DCLK2: variants seen among roughly 807,000 people sequenced by gnomAD.
DCLK2 encodes the protein serine/threonine-protein kinase DCLK2.
Under a neutral mutation model 78.4 loss-of-function variants are expected in DCLK2, and 31 were observed. The ratio of observed to expected loss-of-function variants is 0.40; its 90% CI spans 0.30 to 0.53. DCLK2 has a LOEUF of 0.53. DCLK2 is among the 20% of genes least tolerant of loss of function. DCLK2 has a pLI of 0.61. For synonymous variants in DCLK2, 407 were observed against 374.9 expected (o/e 1.09, Z -0.99); for missense variants, 872 against 973.7 (o/e 0.90, Z 1.39).
chr4:150,202,939 A>G (rs1338789100), intron 4 of DCLK2, among the ~76,000 whole-genome samples: 3 of 152,190 alleles, frequency 2.0e-5, no homozygotes, highest in African/African-American at 7.2e-5. Context: ...AGAATCTGCA[A>G]ACCTTTCCTA....
At chr4:150,218,451 C>G (rs1035392048) in intron 5 of DCLK2, among the ~76,000 whole-genome samples, 5 of 152,196 alleles carry the variant, frequency 3.3e-5, no homozygotes, top group Non-Finnish European at 5.9e-5. Flanking sequence ...GTGTCCTTCA[C>G]TCAGACAACA....
chr4:150,161,127 G>T (rs1735676639), intron 2 of DCLK2, among the ~76,000 whole-genome samples: 1 of 152,184 alleles, frequency 6.6e-6, no homozygotes, highest in South Asian at 2.1e-4. Context: ...TGTGAACAGG[G>T]ACTGAAAGTT....
rs185608683 is a variant in DCLK2 at position 150,080,542 on chromosome 4, C to A, written c.421+1094C>A. ...TCTTTCTTAATGCAAATGGCACATT[C>A]CATGTAGTCATAGCAATAGCTTGGC... On this transcript the variant is annotated intron_variant, in intron 1 of 15. Coordinates refer to ENST00000296550, the MANE Select transcript of DCLK2 (RefSeq NM_001040260.4). Among the ~76,000 whole-genome samples, 6 of 152,332 alleles carry A rather than the reference C, an allele frequency of 3.9e-5. No individual in the cohort carries two copies. The South Asian group carries it at 8.3e-4, about 21-fold the overall frequency.
At chr4:150,107,567 G>A (rs1019240434) in intron 2 of DCLK2, among the ~76,000 whole-genome samples, 2 of 151,648 alleles carry the variant, frequency 1.3e-5, no homozygotes, top group African/African-American at 4.9e-5. Context: ...GTAGAAATTG[G>A]GTTTCCCTGT....
chr4:150,218,938 G>A (rs551600689), intron 5 of DCLK2, among the ~76,000 whole-genome samples: 1 of 152,284 alleles, frequency 6.6e-6, no homozygotes, highest in Non-Finnish European at 1.5e-5. Context: ...AAATGGTGGT[G>A]CACGCCTGTA....
chr4:150,168,038 G>A (rs1736225462), intron 2 of DCLK2, among the ~76,000 whole-genome samples: 1 of 152,178 alleles, frequency 6.6e-6, no homozygotes. Context: ...CCAGAAGCAT[G>A]CCAACGTGTA....
intron 2 of DCLK2, among the ~76,000 whole-genome samples, chr4:150,177,464 TC>T (rs1432402827): frequency 2.0e-5 from 3 of 152,150 alleles, no homozygotes; most frequent in Non-Finnish European, 4.4e-5. Flanking sequence ...AAACATCTTT[TC>T]CTCCATCGAA....
chr4:150,236,951 A>G (rs992096128), intron 10 of DCLK2, among the ~76,000 whole-genome samples: 28 of 152,212 alleles, frequency 1.8e-4, no homozygotes, highest in Non-Finnish European at 3.1e-4. Context: ...TGTGAAAAAC[A>G]GGACTTCAGG....
chr4:150,124,447 T>TA (rs1157818161), intron 2 of DCLK2, among the ~76,000 whole-genome samples: 1 of 152,196 alleles, frequency 6.6e-6, no homozygotes, highest in African/African-American at 2.4e-5. Flanking sequence ...TCTAAGTCAT[T>TA]AAAATGCCAT....
rs556763896 is a variant in DCLK2 at position 150,128,955 on chromosome 4, T to C, written c.756+26143T>C. On this transcript the variant is annotated intron_variant, in intron 2 of 15. Transcript: ENST00000296550. ...TGAGAAGTTTGTGGCAGAACAGATA[T>C]CAGGACTATTACTCAGAAGTAATGC... is the stretch of plus-strand genomic sequence containing the variant. 2.1e-3 allele frequency among the ~76,000 whole-genome samples: 320 copies of C among 152,286 alleles called. 4 individuals are homozygous for C. The highest frequency in any genetic ancestry group is 7.3e-3 in the African/African-American group (302 of 41,544).
intron 1 of DCLK2, among the ~76,000 whole-genome samples, chr4:150,094,377 AAG>A (rs1730313826): frequency 6.6e-6 from 1 of 152,356 alleles, no homozygotes; most frequent in East Asian, 1.9e-4. Flanking sequence ...CTGTTTAAAA[AAG>A]AGTATGTAAA....
At chr4:150,131,153 G>T (rs1580560930) in intron 2 of DCLK2, among the ~76,000 whole-genome samples, 1 of 152,054 alleles carries the variant, frequency 6.6e-6, no homozygotes, top group East Asian at 1.9e-4. Context: ...CTCCCAAGTA[G>T]CTCGGATTAC....
intron 5 of DCLK2, among the ~76,000 whole-genome samples, chr4:150,217,281 C>T (rs941537214): frequency 3.3e-5 from 5 of 152,202 alleles, no homozygotes; most frequent in Non-Finnish European, 7.3e-5. Context: ...GCATGTCTCT[C>T]AGGGCACTGG....
At chr4:150,173,652 T>C (rs1026863917) in intron 2 of DCLK2, among the ~76,000 whole-genome samples, 1 of 152,220 alleles carries the variant, frequency 6.6e-6, no homozygotes, top group African/African-American at 2.4e-5. Context: ...GAGCTTGACC[T>C]ATTTCCTTAG....
chr4:150,212,665 T>C (rs942016512), intron 5 of DCLK2, among the ~76,000 whole-genome samples: 1 of 152,226 alleles, frequency 6.6e-6, no homozygotes, highest in Non-Finnish European at 1.5e-5. Context: ...TTGTAGTTGC[T>C]CAGTCAAATC....
At chr4:150,222,023 ACT>A (rs1560884327) in intron 7 of DCLK2, among the ~76,000 whole-genome samples, 1 of 151,706 alleles carries the variant, frequency 6.6e-6, no homozygotes, top group Non-Finnish European at 1.5e-5. Flanking sequence ...GCAGGGTCTC[ACT>A]CTGTTACCCA....
chr4:150,116,350 A>G (rs1377607872), intron 2 of DCLK2, among the ~76,000 whole-genome samples: 5 of 152,192 alleles, frequency 3.3e-5, no homozygotes, highest in Non-Finnish European at 7.3e-5. Flanking sequence ...CTGTTGGGGT[A>G]GAGGTGCAGA....
intron 12 of DCLK2, among the ~76,000 whole-genome samples, chr4:150,246,899 G>T (rs1257620362): frequency 5.3e-5 from 8 of 152,134 alleles, no homozygotes; most frequent in Non-Finnish European, 8.8e-5. Flanking sequence ...GTGCCATTCT[G>T]CTTGGCATCT....
chr4:150,129,589 A>C (rs1733155298), intron 2 of DCLK2, among the ~76,000 whole-genome samples: 1 of 151,722 alleles, frequency 6.6e-6, no homozygotes, highest in Non-Finnish European at 1.5e-5. Context: ...GTGTGGTGGC[A>C]CGTGCCTGTA....
Sources: allele counts gnomAD v4.1 joint callset (sites outside exome capture counted in the v4.1 genomes callset), GRCh38; gene constraint gnomAD v4.1.1; transcripts MANE v1.5; gene names NCBI Gene and HGNC (gene_info 2026-07-23, HGNC 2026-07-21).